SUCLA2: variants seen among roughly 807,000 people sequenced by gnomAD.
SUCLA2 encodes the protein succinate--CoA ligase [ADP-forming] subunit beta, mitochondrial.
SUCLA2 carries 30 observed loss-of-function variants against 54.8 expected under a neutral mutation model. The ratio of observed to expected loss-of-function variants is 0.55; its 90% CI spans 0.41 to 0.74. SUCLA2 has a LOEUF of 0.74. Among genes scored for constraint, SUCLA2 ranks in the 30% least tolerant of loss-of-function variants. The probability of loss-of-function intolerance (pLI) is 0.00; values close to 1 mark genes in which losing one functional copy is unlikely to be tolerated. For missense variants in SUCLA2, 476 were observed against 562.9 expected, an observed-to-expected ratio of 0.85 and a Z score of 1.56; for synonymous variants, 172 against 188.9, an observed-to-expected ratio of 0.91 and a Z score of 0.74.
intron 8 of SUCLA2, among the ~76,000 whole-genome samples, chr13:47,952,422 T>G (rs1949783634): frequency 6.6e-6 from 1 of 152,068 alleles, no homozygotes; most frequent in Admixed American, 6.6e-5. Flanking sequence ...GTACAATATC[T>G]TTTCAATGAA....
At chr13:47,968,548 T>TA in intron 6 of SUCLA2, 47 bp downstream of exon 6, 1 of 1,605,618 alleles carries the variant, frequency 6.2e-7, no homozygotes, top group Non-Finnish European at 8.5e-7. Flanking sequence ...GGAAGCATAT[T>TA]AGAGAAATAA....
intron 4 of SUCLA2, among the ~76,000 whole-genome samples, chr13:47,980,283 C>T (rs922980791): frequency 6.6e-5 from 10 of 151,990 alleles, no homozygotes; most frequent in African/African-American, 1.9e-4. Context: ...GGCGTGGTGG[C>T]GGGAGCCTGT....
At chr13:47,986,029 GTT>G (rs36000556) in intron 4 of SUCLA2, among the ~76,000 whole-genome samples, 1 of 122,228 alleles carries the variant, frequency 8.2e-6, no homozygotes, top group African/African-American at 3.1e-5. Flanking sequence ...CATATGTATA[GTT>G]TTTTTTTTTT....
intron 2 of SUCLA2, among the ~76,000 whole-genome samples, chr13:47,996,323 CAAA>C (rs750012963): frequency 8.6e-5 from 8 of 93,532 alleles, no homozygotes; most frequent in African/African-American, 8.4e-5. Flanking sequence ...AACTCCGTCT[CAAA>C]AAAAAAAAAA....
chr13:47,964,765 G>A (rs754033005), intron 6 of SUCLA2, among the ~76,000 whole-genome samples: 1 of 152,114 alleles, frequency 6.6e-6, no homozygotes, highest in Admixed American at 6.5e-5. Flanking sequence ...GCTGAGGCAG[G>A]AGAACGGCAT....
At chr13:47,976,747 T>G (rs375523417) in intron 4 of SUCLA2, among the ~76,000 whole-genome samples, 2 of 152,212 alleles carry the variant, frequency 1.3e-5, no homozygotes, top group African/African-American at 4.8e-5. Context: ...ATATTTGCAT[T>G]ATACTTACCA....
At chr13:47,988,497 T>C (rs757515165) in intron 4 of SUCLA2, 44 bp downstream of exon 4, 4 of 1,599,660 alleles carry the variant, frequency 2.5e-6, no homozygotes, top group African/African-American at 2.7e-5. Flanking sequence ...TGAAATTGAA[T>C]GTCATAAATT....
intron 5 of SUCLA2, among the ~76,000 whole-genome samples, chr13:47,972,668 TAA>T (rs34866956): frequency 1.5e-3 from 189 of 125,454 alleles, no homozygotes; most frequent in Middle Eastern, 4.3e-3. Flanking sequence ...GACTCCGTCT[TAA>T]AAAAAAAAAA....
chr13:47,964,184 T>G (rs1949896736), intron 6 of SUCLA2, among the ~76,000 whole-genome samples: 1 of 152,102 alleles, frequency 6.6e-6, no homozygotes, highest in African/African-American at 2.4e-5. Context: ...AGGCATTATG[T>G]ATAGTAAAAA....
rs555086278 is a variant in SUCLA2, at chr13:47,943,058, G to C, written c.*313C>G. 6.9e-5 allele frequency: 23 copies of C among 335,722 alleles called. No homozygotes were observed. Among genetic ancestry groups the C allele is most frequent in the Admixed American group, 4.1e-4 (9 of 21,850 alleles). The allele number at this position is 335,722 out of a possible 1,614,324, so 20.8% of individuals were successfully genotyped here. Reference sequence around the variant, plus strand: ...TATCTTCGTATTTATCTTATTTATAGGACTCTTATCAATGAAGAACTTTGT... The same window carrying C: ...TATCTTCGTATTTATCTTATTTATACGACTCTTATCAATGAAGAACTTTGT... On this transcript the variant is annotated 3_prime_UTR_variant, in exon 11 of 11. Transcript: ENST00000646932.
chr13:47,966,525 T>TTAA (rs1555257462), intron 6 of SUCLA2, among the ~76,000 whole-genome samples: 1 of 141,246 alleles, frequency 7.1e-6, no homozygotes. Flanking sequence ...TTGCCGTTTT[T>TTAA]AAAAAAAAAA....
intron 6 of SUCLA2, among the ~76,000 whole-genome samples, chr13:47,960,221 A>G (rs1028730079): frequency 3.3e-5 from 5 of 152,110 alleles, no homozygotes; most frequent in Non-Finnish European, 7.4e-5. Context: ...ACATATATAT[A>G]AAACCGTAAA....
chr13:47,973,858 A>T (rs1479817240), intron 4 of SUCLA2, among the ~76,000 whole-genome samples: 1 of 152,136 alleles, frequency 6.6e-6, no homozygotes, highest in African/African-American at 2.4e-5. Context: ...CAAACATCAC[A>T]TGTTCTCACT....
At chr13:47,963,057 CAG>C (rs1949884410) in intron 6 of SUCLA2, among the ~76,000 whole-genome samples, 1 of 13,160 alleles carries the variant, frequency 7.6e-5, no homozygotes, top group Non-Finnish European at 4.1e-4. Context: ...TGGTTTTAGT[CAG>C]TCAGGGAGAT....
intron 4 of SUCLA2, among the ~76,000 whole-genome samples, chr13:47,980,488 G>T (rs1221623099): frequency 6.6e-6 from 1 of 152,104 alleles, no homozygotes; most frequent in African/African-American, 2.4e-5. Flanking sequence ...TCACAGATTG[G>T]AAGACTTAAT....
At chr13:47,999,318 A>T (rs1056157952) in intron 1 of SUCLA2, among the ~76,000 whole-genome samples, 1 of 152,234 alleles carries the variant, frequency 6.6e-6, no homozygotes, top group South Asian at 2.1e-4. Context: ...GAATGTCCTT[A>T]TTCTTAAAGA....
chr13:47,956,459 G>C (rs80284872), intron 6 of SUCLA2, among the ~76,000 whole-genome samples: 3,693 of 152,000 alleles, frequency 0.024, 142 homozygotes, highest in Admixed American at 0.1. Flanking sequence ...GAATGGGACA[G>C]GAAAAAAGTG....
intron 1 of SUCLA2, among the ~76,000 whole-genome samples, chr13:48,000,679 TGGA>T (rs1214521686): frequency 1.3e-5 from 2 of 152,216 alleles, no homozygotes; most frequent in African/African-American, 2.4e-5. Flanking sequence ...TACAACTACT[TGGA>T]GGAGAGGGGA....
At position 47,963,067 on chromosome 13, in the gene SUCLA2, G is replaced by A. The variant is rs1593484887; in HGVS notation, c.802+5528C>T. On this transcript the variant is annotated intron_variant, in intron 6 of 10. Coordinates refer to ENST00000646932, the MANE Select transcript of SUCLA2 (RefSeq NM_003850.3). ...ACCCCTGGTTTTAGTCAGTCAGGGA[G>A]ATAGATTTGAGACTGAGATCCTATC... is the stretch of plus-strand genomic sequence containing the variant. Among the ~76,000 whole-genome samples, 4 of 152,222 alleles carry A rather than the reference G, an allele frequency of 2.6e-5. No homozygotes were observed. In the Middle Eastern group the frequency reaches 0.01, roughly 388 times the overall value.
Sources: allele counts gnomAD v4.1 joint callset (sites outside exome capture counted in the v4.1 genomes callset), GRCh38; gene constraint gnomAD v4.1.1; transcripts MANE v1.5; gene names NCBI Gene and HGNC (gene_info 2026-07-23, HGNC 2026-07-21).